IGSF11: variants seen among roughly 807,000 people sequenced by gnomAD.
IGSF11 encodes CXADR like 1.
Under a neutral mutation model 41.0 loss-of-function variants are expected in IGSF11, and 22 were observed. The ratio of observed to expected loss-of-function variants is 0.54; its 90% CI spans 0.38 to 0.77. IGSF11 has a LOEUF of 0.77. IGSF11 is among the 30% of genes least tolerant of loss of function. The probability of loss-of-function intolerance (pLI) is 0.00; values close to 1 mark genes in which losing one functional copy is unlikely to be tolerated. For missense variants in IGSF11, 444 were observed against 530.8 expected (o/e 0.84, Z 1.61); for synonymous variants, 219 against 201.3 (o/e 1.09, Z -0.74).
chr3:119,057,083 C>T (rs995594447), intron 1 of IGSF11, among the ~76,000 whole-genome samples: 1 of 152,170 alleles, frequency 6.6e-6, no homozygotes, highest in African/African-American at 2.4e-5. Flanking sequence ...GGCCCTCTCT[C>T]ACCACTCCTA....
intron 2 of IGSF11, 108 bp downstream of exon 2, chr3:118,930,004 C>T: frequency 8.9e-7 from 1 of 1,121,084 alleles, no homozygotes; most frequent in Non-Finnish European, 1.3e-6. Context: ...CGCACATTGA[C>T]AATGCCACCT....
intron 1 of IGSF11, among the ~76,000 whole-genome samples, chr3:119,017,389 T>C (rs1356218122): frequency 2.6e-5 from 4 of 152,244 alleles, no homozygotes; most frequent in Middle Eastern, 3.2e-3. Flanking sequence ...ATGGTAAATA[T>C]GTGTATCTAA....
intron 1 of IGSF11, among the ~76,000 whole-genome samples, chr3:118,940,246 T>C (rs1166167911): frequency 1.3e-5 from 2 of 152,138 alleles, no homozygotes; most frequent in African/African-American, 4.8e-5. Flanking sequence ...AGTAAAACTG[T>C]ATTTATTTGC....
intron 1 of IGSF11, among the ~76,000 whole-genome samples, chr3:118,966,329 T>C (rs1183435406): frequency 6.6e-6 from 1 of 152,316 alleles, no homozygotes; most frequent in East Asian, 1.9e-4. Context: ...AAAGCTTATA[T>C]GTTTTCAGTA....
intron 1 of IGSF11, among the ~76,000 whole-genome samples, chr3:119,064,797 T>C (rs1942172173): frequency 6.6e-6 from 1 of 152,152 alleles, no homozygotes; most frequent in Admixed American, 6.5e-5. Context: ...ATAGTATTGT[T>C]TTTCAAATTT....
At chr3:119,080,962 A>G (rs570282376) in intron 1 of IGSF11, among the ~76,000 whole-genome samples, 19 of 152,012 alleles carry the variant, frequency 1.2e-4, no homozygotes, top group African/African-American at 4.3e-4. Flanking sequence ...GGGTTTATTT[A>G]TTGTTTTTTT....
chr3:119,010,243 A>C (rs997695251), intron 1 of IGSF11, among the ~76,000 whole-genome samples: 2 of 152,200 alleles, frequency 1.3e-5, no homozygotes, highest in Admixed American at 1.3e-4. Context: ...AGCAGTGTAC[A>C]TGAGGTTACT....
intron 1 of IGSF11, among the ~76,000 whole-genome samples, chr3:119,085,309 G>A (rs765993725): frequency 1.1e-4 from 17 of 152,136 alleles, no homozygotes; most frequent in Non-Finnish European, 1.9e-4. Flanking sequence ...TCCCACCTGC[G>A]AAACTAAGAC....
chr3:119,136,424 A>G (rs910840052), intron 1 of IGSF11, among the ~76,000 whole-genome samples: 1 of 152,196 alleles, frequency 6.6e-6, no homozygotes, highest in Admixed American at 6.5e-5. Flanking sequence ...GTTGCCAATA[A>G]GAAACACACT....
chr3:119,054,719 A>C (rs1302018683), intron 1 of IGSF11, among the ~76,000 whole-genome samples: 4 of 152,236 alleles, frequency 2.6e-5, no homozygotes, highest in African/African-American at 9.6e-5. Flanking sequence ...TATGAAAAAG[A>C]CACTTGCACA....
intron 4 of IGSF11, among the ~76,000 whole-genome samples, chr3:118,925,175 G>A (rs748992415): frequency 4.6e-5 from 7 of 152,120 alleles, no homozygotes; most frequent in South Asian, 2.1e-4. Flanking sequence ...GATTACTAGC[G>A]GAAATTTATA....
At chr3:118,933,678 C>T (rs1943040330) in intron 1 of IGSF11, among the ~76,000 whole-genome samples, 2 of 152,108 alleles carry the variant, frequency 1.3e-5, no homozygotes, top group African/African-American at 2.4e-5. Context: ...AAGGAACACA[C>T]ACTTACTACT....
intron 1 of IGSF11, among the ~76,000 whole-genome samples, chr3:119,076,237 T>G (rs1014367660): frequency 6.6e-6 from 1 of 152,190 alleles, no homozygotes; most frequent in African/African-American, 2.4e-5. Context: ...GATCCCTTCC[T>G]TACACCTTAT....
At chr3:118,927,539 G>C (rs1576390548) in intron 3 of IGSF11, among the ~76,000 whole-genome samples, 2 of 152,094 alleles carry the variant, frequency 1.3e-5, no homozygotes, top group Admixed American at 1.3e-4. Flanking sequence ...CTGTTTGAAG[G>C]CTGGGAGAAA....
chr3:118,929,995 G>T, intron 2 of IGSF11, 117 bp downstream of exon 2: 2 of 962,554 alleles, frequency 2.1e-6, no homozygotes, highest in Non-Finnish European at 3.1e-6. Context: ...AAGAGTACAC[G>T]CACATTGACA....
At chr3:118,995,478 C>G (rs1936176066) in intron 1 of IGSF11, among the ~76,000 whole-genome samples, 1 of 152,030 alleles carries the variant, frequency 6.6e-6, no homozygotes, top group Admixed American at 6.6e-5. Flanking sequence ...AATTAAGAAG[C>G]TAGTTTAATA....
chr3:119,126,179 C>T (rs1345697057), intron 1 of IGSF11, among the ~76,000 whole-genome samples: 1 of 152,246 alleles, frequency 6.6e-6, no homozygotes, highest in African/African-American at 2.4e-5. Context: ...TGCGCTTTTC[C>T]GCTGCTGGAG....
Position 119,077,873 on chromosome 3 carries a change from T to C in IGSF11, c.49+27271A>G, listed in dbSNP as rs560245670. On this transcript the variant is annotated intron_variant, in intron 1 of 6. Transcript: ENST00000354673. The stretch of plus-strand genomic sequence containing the variant: ...AATGTACAAAAATCAGTAGCATTTC[T>C]ATACACCAATAGCGTCCAAGCAGAG... Among the ~76,000 whole-genome samples the C allele has an allele frequency of 5.9e-5, 9 of 152,334 alleles. No homozygotes were observed. The South Asian group carries it at 1.9e-3, about 32-fold the overall frequency.
intron 1 of IGSF11, among the ~76,000 whole-genome samples, chr3:118,992,854 A>T (rs1356063313): frequency 6.6e-6 from 1 of 152,210 alleles, no homozygotes; most frequent in Non-Finnish European, 1.5e-5. Flanking sequence ...ACTACCGAAA[A>T]AGTGAAAAGA....
Sources: allele counts gnomAD v4.1 joint callset (sites outside exome capture counted in the v4.1 genomes callset), GRCh38; gene constraint gnomAD v4.1.1; transcripts MANE v1.5; gene names NCBI Gene and HGNC (gene_info 2026-07-23, HGNC 2026-07-21).